Variants in ZKSCAN2 observed in about 807,000 individuals in gnomAD.
ZKSCAN2 encodes the protein zinc finger protein with KRAB and SCAN domains 2.
In ZKSCAN2, 38 loss-of-function variants were observed where a neutral mutation model predicts 90.5. That is an observed-to-expected ratio of 0.42 (90% CI 0.32 to 0.55). The LOEUF is 0.55. Among genes scored for constraint, ZKSCAN2 ranks in the 20% least tolerant of loss-of-function variants. ZKSCAN2 has a pLI of 0.11. For synonymous variants in ZKSCAN2, 429 were observed against 421.6 expected (o/e 1.02, Z -0.22); for missense variants, 1,167 against 1,202.6 (o/e 0.97, Z 0.44).
chr16:25,255,420 G>C lies in ZKSCAN2; in HGVS notation c.400-28C>G, dbSNP rs752969379. The C allele has an allele frequency of 1.5e-5, 24 of 1,597,596 alleles. No individual in the cohort carries two copies. In the Admixed American group the frequency reaches 3.5e-4, roughly 23 times the overall value. On this transcript the variant is annotated intron_variant, in intron 1 of 6. Coordinates refer to ENST00000328086, the MANE Select transcript of ZKSCAN2 (RefSeq NM_001012981.5). ...GAGAAATGAAGTCAATACCATAAGA[G>C]GGAGTAAAACAGGCCCATATCAGGG...
At chr16:25,252,890 C>T (rs767599690) in intron 3 of ZKSCAN2, 56 bp downstream of exon 3, 67 of 1,418,782 alleles carry the variant, frequency 4.7e-5, no homozygotes, top group Non-Finnish European at 6.1e-5. Flanking sequence ...TGTACTCCAC[C>T]GTGGGTGACA....
At chr16:25,256,423 T>C (rs1319766631) in intron 1 of ZKSCAN2, among the ~76,000 whole-genome samples, 2 of 152,090 alleles carry the variant, frequency 1.3e-5, no homozygotes, top group African/African-American at 4.8e-5. Context: ...CAAAACCATA[T>C]TGTTCTCTTA....
chr16:25,244,218 C>G lies in ZKSCAN2; in HGVS notation c.1548G>C (p.Arg516=). The change falls in exon 6 of 7, where the codon CGG becomes CGC. Residue 516 remains arginine (R), a synonymous_variant. Coordinates refer to ENST00000328086, the MANE Select transcript of ZKSCAN2 (RefSeq NM_001012981.5). ...KTFLDILRET[R]FYEALQACHR... is the part of the protein sequence containing the mutation. The stretch of plus-strand genomic sequence containing the variant: ...GACAGGCTTGAAGCGCTTCATAAAA[C>G]CGAGTCTCACGGAGGATATCAAGAA... 6.2e-7 allele frequency: 1 copy of G among 1,614,164 alleles called. No individual in the cohort carries two copies. Among genetic ancestry groups the G allele is most frequent in the Non-Finnish European group, 8.5e-7 (1 of 1,180,016 alleles).
At chr16:25,256,285 CACTG>C (rs1963100425) in intron 1 of ZKSCAN2, among the ~76,000 whole-genome samples, 2 of 150,884 alleles carry the variant, frequency 1.3e-5, no homozygotes, top group Non-Finnish European at 2.9e-5. Flanking sequence ...CTTCAGAAGA[CACTG>C]AGTGCAACAG....
At position 25,240,137 on chromosome 16, in the gene ZKSCAN2, A is replaced by G. The variant is rs770227234; in HGVS notation, c.2583T>C (p.Cys861=). 2 of 1,614,062 alleles carry G rather than the reference A, an allele frequency of 1.2e-6. No individual in the cohort carries two copies. Among genetic ancestry groups the G allele is most frequent in the Non-Finnish European group, 1.7e-6 (2 of 1,180,030 alleles). The change falls in exon 7 of 7, where the codon TGT becomes TGC. Residue 861 remains cysteine (C), a synonymous_variant. Transcript: ENST00000328086. ...RTHTGEKPYQ[C]GECGKSFTNS... is the part of the protein sequence containing the mutation. ...TGGTGAAACTTTTCCCACACTCTCC[A>G]CACTGATAGGGCTTCTCACCGGTGT...
intron 3 of ZKSCAN2, 28 bp from the exon 4 acceptor site, chr16:25,252,063 C>A (rs372308363): frequency 1.2e-6 from 2 of 1,612,116 alleles, no homozygotes; most frequent in African/African-American, 2.7e-5. Context: ...CCAATGACTA[C>A]CAAGATAACT....
At chr16:25,253,158 C>G in intron 2 of ZKSCAN2, 121 bp from the exon 3 acceptor site, 1 of 807,982 alleles carries the variant, frequency 1.2e-6, no homozygotes, top group African/African-American at 1.7e-5. Context: ...ACCATTTTAT[C>G]TGTGAGTTCA....
chr16:25,250,138 G>A (rs564389202), intron 4 of ZKSCAN2, among the ~76,000 whole-genome samples: 21 of 152,110 alleles, frequency 1.4e-4, no homozygotes, highest in South Asian at 4.2e-4. Context: ...GTGAAACCCC[G>A]TCTCTACTAA....
chr16:25,244,506 C>G (rs768020742), intron 5 of ZKSCAN2, among the ~76,000 whole-genome samples: 3 of 152,110 alleles, frequency 2.0e-5, no homozygotes, highest in Admixed American at 1.3e-4. Flanking sequence ...TAGGAAGACT[C>G]AAGGTGTACA....
At position 25,246,837 on chromosome 16, in the gene ZKSCAN2, A is replaced by T; in HGVS notation, c.1359T>A (p.Ser453Arg). The T allele has an allele frequency of 1.2e-6, 2 of 1,614,180 alleles. No individual in the cohort carries two copies. Among genetic ancestry groups the T allele is most frequent in the Non-Finnish European group, 8.5e-7 (1 of 1,180,040 alleles). ...PVPRLKRIAI[S>R]AKEHISLVEE... ...CCACCAAGCTGATGTGTTCCTTAGCACTGATGGCAATTCTCTTCAGTCTGG... is the reference window on the plus strand; with the variant it reads ...CCACCAAGCTGATGTGTTCCTTAGCTCTGATGGCAATTCTCTTCAGTCTGG... Residue 453 changes from serine (S) to arginine (R), a missense_variant, in exon 5 of 7, where the codon AGT becomes AGA. Transcript: ENST00000328086.
chr16:25,256,949 T>A lies in ZKSCAN2; in HGVS notation c.179A>T (p.His60Leu). Reference sequence around the variant, plus strand: ...TTCCCAGAGTTTACTGAAAGCTTCATGGGGTCCAGTCACATCCTCATAACA... The same window carrying A: ...TTCCCAGAGTTTACTGAAAGCTTCAAGGGGTCCAGTCACATCCTCATAACA... ...QFCYEDVTGPHEAFSKLWELC... is the reference protein window; with the variant it reads ...QFCYEDVTGPLEAFSKLWELC... The change falls in exon 1 of 7, where the codon CAT becomes CTT. Residue 60 changes from histidine to leucine, a missense_variant. Coordinates refer to ENST00000328086, the MANE Select transcript of ZKSCAN2 (RefSeq NM_001012981.5). The A allele has an allele frequency of 1.2e-6, 2 of 1,614,242 alleles. No individual in the cohort carries two copies. Among genetic ancestry groups the A allele is most frequent in the Non-Finnish European group, 1.7e-6 (2 of 1,180,040 alleles).
At position 25,251,937 on chromosome 16, in the gene ZKSCAN2, C is replaced by T. The variant is rs763963458; in HGVS notation, c.777G>A (p.Lys259=). Residue 259 remains lysine (K), a synonymous_variant, in exon 4 of 7, where the codon AAG becomes AAA. Transcript: ENST00000328086. The stretch of plus-strand genomic sequence containing the variant: ...GGGAGACCACGTTCCCAACATTCTC[C>T]TTCCTGAAATCCCGGTAGAGGTCCC... ...AQRDLYRDFR[K]ENVGNVVSLG... 1 of 1,614,126 alleles carries T rather than the reference C, an allele frequency of 6.2e-7. No individual in the cohort carries two copies. Among genetic ancestry groups the T allele is most frequent in the African/African-American group, 1.3e-5 (1 of 75,048 alleles).
chr16:25,255,153 C>T lies in ZKSCAN2; in HGVS notation c.586+53G>A, dbSNP rs559987539. The T allele has an allele frequency of 4.0e-4, 610 of 1,530,480 alleles. 3 individuals carry two copies. The African/African-American group carries it at 4.9e-3, about 12-fold the overall frequency. The allele number at this position is 1,530,480 out of a possible 1,614,324, so 94.8% of individuals were successfully genotyped here. A position where few individuals can be genotyped will look rare whatever the true frequency, so the allele number is the denominator to read the frequency against. The stretch of plus-strand genomic sequence containing the variant: ...GCACATTCACAGCGTTGGGGTACTG[C>T]GGAAATCTGCCCCAGCCTCTGCACT... On this transcript the variant is annotated intron_variant, in intron 2 of 6. Coordinates refer to ENST00000328086, the MANE Select transcript of ZKSCAN2 (RefSeq NM_001012981.5).
In ZKSCAN2 at chr16:25,240,197, A is replaced by G. The variant is rs1354144733; in HGVS notation, c.2523T>C (p.Ser841=). 1.9e-6 allele frequency: 3 copies of G among 1,613,984 alleles called. No individual in the cohort carries two copies. The highest frequency in any genetic ancestry group is 2.2e-5 in the South Asian group (2 of 91,070). Reference sequence around the variant, plus strand: ...GATGTATAATAAGACTAGAGCTCTGACTAAAGCATTTTCCACACTCTCCGC... The same window carrying G: ...GATGTATAATAAGACTAGAGCTCTGGCTAAAGCATTTTCCACACTCTCCGC... ...YRCGECGKCF[S]QSSSLIIHQR... is the part of the protein sequence containing the mutation. The change falls in exon 7 of 7, where the codon AGT becomes AGC. Residue 841 remains serine (S), a synonymous_variant. Transcript: ENST00000328086.
intron 4 of ZKSCAN2, among the ~76,000 whole-genome samples, chr16:25,248,348 G>GAA (rs35328944): frequency 3.4e-4 from 46 of 134,124 alleles, no homozygotes; most frequent in Non-Finnish European, 5.9e-4. Flanking sequence ...ACAAAGTGAT[G>GAA]AAAAAATCTA....
At chr16:25,244,595 G>C (rs1277863851) in intron 5 of ZKSCAN2, among the ~76,000 whole-genome samples, 1 of 152,164 alleles carries the variant, frequency 6.6e-6, no homozygotes, top group East Asian at 1.9e-4. Context: ...TAATCTCAAA[G>C]CTTATTTGGA....
intron 2 of ZKSCAN2, among the ~76,000 whole-genome samples, chr16:25,253,281 T>C (rs1358768488): frequency 6.6e-6 from 1 of 152,140 alleles, no homozygotes; most frequent in East Asian, 1.9e-4. Context: ...CTGTGGGAAC[T>C]GGAGAGCACA....
At chr16:25,247,437 T>C in intron 4 of ZKSCAN2, 47 bp from the exon 5 acceptor site, 1 of 1,508,496 alleles carries the variant, frequency 6.6e-7, no homozygotes, top group African/African-American at 1.4e-5. Flanking sequence ...AAGTCATTAC[T>C]GCATGCCTCA....
At position 25,238,307 on chromosome 16, in the gene ZKSCAN2, C is replaced by T. The variant is rs1415329973; in HGVS notation, c.*1509G>A. ...CTTCCCATTAAACTTGTGACTTCTC[C>T]CTTGCCAAAGCAAAGCCACCCTGGG... On this transcript the variant is annotated 3_prime_UTR_variant, in exon 7 of 7. Coordinates refer to ENST00000328086, the MANE Select transcript of ZKSCAN2 (RefSeq NM_001012981.5). 6.6e-6 allele frequency: 1 copy of T among 152,250 alleles called. No homozygotes were observed. The allele number at this position is 152,250 out of a possible 1,614,324, so 9.4% of individuals were successfully genotyped here. A position where few individuals can be genotyped will look rare whatever the true frequency, so the allele number is the denominator to read the frequency against.
Sources: gnomAD v4.1 joint callset for allele counts (sites outside exome capture counted in the v4.1 genomes callset) on GRCh38, gnomAD v4.1.1 for gene constraint, MANE v1.5 for transcripts, NCBI Gene and HGNC (gene_info 2026-07-23, HGNC 2026-07-21) for gene names.